Variants in CCDC146 observed in about 807,000 individuals in gnomAD.
The protein encoded by CCDC146 is coiled-coil domain-containing protein 146.
CCDC146 carries 92 observed loss-of-function variants against 119.3 expected under a neutral mutation model. The observed-to-expected ratio is 0.77, with a 90% CI of 0.65 to 0.92. CCDC146 has a LOEUF of 0.92. CCDC146 is among the 40% of genes least tolerant of loss of function. The pLI is 0.00. For synonymous variants in CCDC146, 372 were observed against 371.8 expected, an observed-to-expected ratio of 1.00 and a Z score of -0.01; for missense variants, 1,000 against 1,103.0, an observed-to-expected ratio of 0.91 and a Z score of 1.32.
At chr7:77,266,147 G>C (rs1793398631) in intron 9 of CCDC146, among the ~76,000 whole-genome samples, 1 of 152,186 alleles carries the variant, frequency 6.6e-6, no homozygotes, top group Non-Finnish European at 1.5e-5. Context: ...TCATGAGTCT[G>C]TGAAGTTATT....
chr7:77,125,067 A>G (rs3114359), intron 1 of CCDC146, among the ~76,000 whole-genome samples: 94,760 of 151,428 alleles, frequency 0.63, 30,143 homozygotes, highest in African/African-American at 0.72. Context: ...AGTGATGGAC[A>G]CCTGTAATCC....
chr7:77,259,920 A>G, intron 7 of CCDC146, 89 bp from the exon 8 acceptor site: 2 of 897,922 alleles, frequency 2.2e-6, no homozygotes, highest in Non-Finnish European at 1.7e-6. Context: ...TAAAGCCAGC[A>G]TGGCCTCAAA....
intron 17 of CCDC146, among the ~76,000 whole-genome samples, chr7:77,289,263 T>C (rs1390653419): frequency 5.3e-5 from 8 of 152,236 alleles, no homozygotes; most frequent in Admixed American, 2.6e-4. Flanking sequence ...TCAAAGCTGA[T>C]GGCAGAGTCG....
chr7:77,211,925 T>C (rs1486405314), intron 2 of CCDC146, among the ~76,000 whole-genome samples: 2 of 152,180 alleles, frequency 1.3e-5, no homozygotes. Flanking sequence ...CTATTTACTC[T>C]TTTAAACACT....
intron 6 of CCDC146, chr7:77,257,885 C>T (rs3108431): frequency 0.71 from 107,813 of 152,128 alleles, 39,038 homozygotes; most frequent in East Asian, 0.93. Context: ...ACTTAGCTTC[C>T]GAGCTTGGCC....
At position 77,292,987 on chromosome 7, in the gene CCDC146, T is replaced by A. The variant is rs767278576; in HGVS notation, c.2451T>A (p.Thr817=). The A allele has an allele frequency of 9.5e-5, 154 of 1,613,874 alleles. No individual in the cohort carries two copies. Among genetic ancestry groups the A allele is most frequent in the Non-Finnish European group, 8.6e-5 (101 of 1,179,940 alleles). Residue 817 remains threonine (T), a synonymous_variant, in exon 18 of 19, where the codon ACT becomes ACA. Transcript: ENST00000285871. ...ATCAAAGAAGGATCAAAAATGCAAC[T>A]GAGAAAATGATGGCTCTTGTTGCTG... is the stretch of plus-strand genomic sequence containing the variant. ...NGYQRRIKNA[T]EKMMALVAEL... is the part of the protein sequence containing the mutation.
At chr7:77,202,977 C>T (rs1792019584) in intron 2 of CCDC146, among the ~76,000 whole-genome samples, 1 of 150,118 alleles carries the variant, frequency 6.7e-6, no homozygotes, top group Non-Finnish European at 1.5e-5. Flanking sequence ...TAAAGCAATG[C>T]TTAGATCAAT....
At chr7:77,195,174 CA>C (rs3093282) in intron 2 of CCDC146, 3 of 151,356 alleles carry the variant, frequency 2.0e-5, no homozygotes, top group South Asian at 2.1e-4. Flanking sequence ...CCACCCCCCC[CA>C]AAAAAACCTA....
intron 1 of CCDC146, among the ~76,000 whole-genome samples, chr7:77,133,922 A>G (rs1790824274): frequency 6.6e-6 from 1 of 152,118 alleles, no homozygotes; most frequent in Non-Finnish European, 1.5e-5. Flanking sequence ...GGCAGGAAGG[A>G]GTAATTATGA....
intron 1 of CCDC146, among the ~76,000 whole-genome samples, chr7:77,134,103 T>C (rs555861404): frequency 1.3e-5 from 2 of 152,218 alleles, no homozygotes; most frequent in East Asian, 3.9e-4. Context: ...CATCCTGCAA[T>C]CTGCATTTGG....
chr7:77,276,887 A>G (rs1262060970), intron 11 of CCDC146, among the ~76,000 whole-genome samples: 2 of 152,186 alleles, frequency 1.3e-5, no homozygotes, highest in African/African-American at 2.4e-5. Flanking sequence ...CCTGCCCAAC[A>G]TGGTGAAAGC....
At chr7:77,209,026 C>T (rs78860686) in intron 2 of CCDC146, among the ~76,000 whole-genome samples, 13,062 of 152,164 alleles carry the variant, frequency 0.086, 896 homozygotes, top group East Asian at 0.27. Context: ...ATTTCACCTC[C>T]GGCCCCTCCC....
chr7:77,259,713 G>A (rs1481311736), intron 7 of CCDC146, among the ~76,000 whole-genome samples: 2 of 152,182 alleles, frequency 1.3e-5, no homozygotes, highest in African/African-American at 2.4e-5. Flanking sequence ...GGCTGGTCAG[G>A]ACGAGGGTTG....
chr7:77,293,389 C>G (rs1025049789), intron 18 of CCDC146, among the ~76,000 whole-genome samples, 189 bp downstream of exon 18: 1 of 152,216 alleles, frequency 6.6e-6, no homozygotes, highest in Non-Finnish European at 1.5e-5. Context: ...TGCTACAATA[C>G]TCACTGAAGA....
intron 11 of CCDC146, among the ~76,000 whole-genome samples, chr7:77,276,555 C>T (rs560153366): frequency 3.3e-5 from 5 of 152,074 alleles, no homozygotes; most frequent in African/African-American, 7.2e-5. Context: ...GACCAGAGAG[C>T]GGGACAAGTC....
chr7:77,277,781 A>G (rs1305948511), intron 11 of CCDC146, among the ~76,000 whole-genome samples: 1 of 152,104 alleles, frequency 6.6e-6, no homozygotes, highest in Non-Finnish European at 1.5e-5. Flanking sequence ...CTTTCAAATC[A>G]CTCATACCAA....
intron 2 of CCDC146, among the ~76,000 whole-genome samples, chr7:77,172,589 T>G (rs535443109): frequency 1.3e-5 from 2 of 152,314 alleles, no homozygotes; most frequent in South Asian, 4.1e-4. Flanking sequence ...CAGTATGACA[T>G]TCACAGGCCT....
At chr7:77,176,040 T>C (rs1257284962) in intron 2 of CCDC146, among the ~76,000 whole-genome samples, 2 of 151,104 alleles carry the variant, frequency 1.3e-5, no homozygotes, top group South Asian at 2.1e-4. Context: ...CAGTAAGACA[T>C]GAAAGGGTAT....
intron 9 of CCDC146, among the ~76,000 whole-genome samples, chr7:77,269,843 T>G (rs1350425697): frequency 2.6e-5 from 4 of 152,220 alleles, no homozygotes; most frequent in African/African-American, 9.6e-5. Context: ...CCCTGTGATT[T>G]ATAATTAGCC....
Sources: allele counts gnomAD v4.1 joint callset (sites outside exome capture counted in the v4.1 genomes callset), GRCh38; gene constraint gnomAD v4.1.1; transcripts MANE v1.5; gene names NCBI Gene and HGNC (gene_info 2026-07-23, HGNC 2026-07-21).